The following PTPRT variants were observed in gnomAD, a reference collection of about 807,000 sequenced individuals.
PTPRT encodes protein tyrosine phosphatase receptor type T.
In PTPRT, 56 loss-of-function variants were observed where a neutral mutation model predicts 176.8. The ratio of observed to expected loss-of-function variants is 0.32; its 90% CI spans 0.26 to 0.40. The LOEUF (loss-of-function observed/expected upper bound fraction) is 0.40, where lower values mean the gene tolerates loss of function less well. PTPRT is among the 10% of genes least tolerant of loss of function. PTPRT has a pLI of 1.00. For synonymous variants in PTPRT, 783 were observed against 739.0 expected, an observed-to-expected ratio of 1.06 and a Z score of -0.96; for missense variants, 1,540 against 1,908.2, an observed-to-expected ratio of 0.81 and a Z score of 3.60.
chr20:42,622,688 C>T (rs986135310), intron 7 of PTPRT, among the ~76,000 whole-genome samples: 4 of 151,970 alleles, frequency 2.6e-5, no homozygotes, highest in Non-Finnish European at 4.4e-5. Context: ...CAATAGATGT[C>T]GAAATAAAAA....
chr20:42,474,386 C>G (rs1309042829), intron 7 of PTPRT, among the ~76,000 whole-genome samples: 1 of 152,208 alleles, frequency 6.6e-6, no homozygotes, highest in East Asian at 1.9e-4. Context: ...ACATAGTTCA[C>G]AGGAATGTCA....
In PTPRT at chr20:42,903,888, C is replaced by T. The variant is rs1397143478; in HGVS notation, c.89-17956G>A. ...CCCAGTTAAATCAGCAAGCCTTCTG[C>T]TCTTCCTCTCTAATGTTGACACTTT... On this transcript the variant is annotated intron_variant, in intron 1 of 30. Coordinates refer to ENST00000373187, the MANE Select transcript of PTPRT (RefSeq NM_007050.6). Among the ~76,000 whole-genome samples, 8 of 152,348 alleles carry T rather than the reference C, an allele frequency of 5.3e-5. No individual in the cohort carries two copies. The East Asian group carries it at 1.5e-3, about 29-fold the overall frequency.
At chr20:43,144,647 G>A (rs898568305) in intron 1 of PTPRT, among the ~76,000 whole-genome samples, 2 of 152,174 alleles carry the variant, frequency 1.3e-5, no homozygotes, top group African/African-American at 4.8e-5. Context: ...GGAGGTTAAC[G>A]GTTGCCTGGG....
intron 9 of PTPRT, among the ~76,000 whole-genome samples, chr20:42,359,517 T>G (rs1388282812): frequency 3.9e-5 from 6 of 152,140 alleles, no homozygotes; most frequent in Admixed American, 3.3e-4. Flanking sequence ...CTGTTAACAT[T>G]CATGAAGGCA....
intron 15 of PTPRT, among the ~76,000 whole-genome samples, chr20:42,229,456 T>A (rs1319992518): frequency 6.6e-6 from 1 of 152,268 alleles, no homozygotes; most frequent in African/African-American, 2.4e-5. Flanking sequence ...TCTTCATTTT[T>A]ATTCAAAGTG....
chr20:42,540,027 G>A (rs2072550143), intron 7 of PTPRT, among the ~76,000 whole-genome samples: 1 of 152,158 alleles, frequency 6.6e-6, no homozygotes, highest in African/African-American at 2.4e-5. Context: ...TGAAGAATGA[G>A]TATTTCCAGA....
chr20:43,007,190 G>C (rs558892896), intron 1 of PTPRT, among the ~76,000 whole-genome samples: 1 of 152,314 alleles, frequency 6.6e-6, no homozygotes, highest in Admixed American at 6.5e-5. Context: ...CAGAGCAAAA[G>C]TGAAAGCTGT....
intron 16 of PTPRT, among the ~76,000 whole-genome samples, chr20:42,166,978 C>T (rs1989853975): frequency 6.6e-6 from 1 of 151,870 alleles, no homozygotes; most frequent in African/African-American, 2.4e-5. Context: ...CAATCTGCAC[C>T]CTGAGAAATG....
At chr20:42,573,249 C>G (rs2073190396) in intron 7 of PTPRT, among the ~76,000 whole-genome samples, 1 of 152,162 alleles carries the variant, frequency 6.6e-6, no homozygotes, top group Non-Finnish European at 1.5e-5. Flanking sequence ...ATGCCCCTGG[C>G]TGCACAAGCC....
chr20:42,418,699 C>T (rs1330162571), intron 9 of PTPRT, among the ~76,000 whole-genome samples: 3 of 152,116 alleles, frequency 2.0e-5, no homozygotes, highest in East Asian at 3.9e-4. Context: ...GTATGTACTG[C>T]CGCTCAGATC....
At chr20:42,770,081 A>C (rs2077040960) in intron 5 of PTPRT, among the ~76,000 whole-genome samples, 1 of 152,216 alleles carries the variant, frequency 6.6e-6, no homozygotes, top group South Asian at 2.1e-4. Context: ...ATCAAATTAT[A>C]TACTTTAAAC....
intron 7 of PTPRT, among the ~76,000 whole-genome samples, chr20:42,554,156 T>G (rs896436675): frequency 6.6e-6 from 1 of 152,134 alleles, no homozygotes; most frequent in Non-Finnish European, 1.5e-5. Context: ...TGAATTTTGT[T>G]TCTTCAACTG....
intron 16 of PTPRT, among the ~76,000 whole-genome samples, chr20:42,196,550 AGAAC>A (rs980168432): frequency 2.6e-5 from 4 of 152,218 alleles, no homozygotes; most frequent in Non-Finnish European, 4.4e-5. Context: ...ACAGTACAAT[AGAAC>A]ATTAGAACTT....
chr20:43,059,044 C>T (rs1347469168), intron 1 of PTPRT, among the ~76,000 whole-genome samples: 1 of 152,190 alleles, frequency 6.6e-6, no homozygotes, highest in Non-Finnish European at 1.5e-5. Flanking sequence ...TCCTTTGAAA[C>T]CAGTCTGCAC....
intron 1 of PTPRT, among the ~76,000 whole-genome samples, chr20:43,183,499 G>T (rs1308303978): frequency 1.3e-5 from 2 of 152,144 alleles, no homozygotes; most frequent in East Asian, 3.8e-4. Context: ...CTTCACAAAG[G>T]CCCGTGGTCA....
At chr20:42,558,014 A>G (rs1203534646) in intron 7 of PTPRT, among the ~76,000 whole-genome samples, 1 of 152,208 alleles carries the variant, frequency 6.6e-6, no homozygotes, top group Non-Finnish European at 1.5e-5. Flanking sequence ...TCAGGGGTAT[A>G]AGTACAGGTT....
intron 6 of PTPRT, among the ~76,000 whole-genome samples, chr20:42,684,993 G>A (rs561231410): frequency 2.4e-4 from 37 of 152,152 alleles, no homozygotes; most frequent in African/African-American, 8.9e-4. Context: ...CAACTTTATG[G>A]GTGGGTAGAT....
At chr20:43,087,389 C>T (rs5841492) in intron 1 of PTPRT, among the ~76,000 whole-genome samples, 968 of 17,790 alleles carry the variant, frequency 0.054, 148 homozygotes, top group East Asian at 0.22. Context: ...TTTTTTTTTT[C>T]TCCGAAACAG....
intron 9 of PTPRT, among the ~76,000 whole-genome samples, chr20:42,404,900 G>A (rs374574122): frequency 1.9e-4 from 29 of 148,852 alleles, no homozygotes; most frequent in African/African-American, 7.2e-4. Context: ...ATTTTTTCCA[G>A]TAGTGAGATT....
Sources: gnomAD v4.1 joint callset for allele counts (sites outside exome capture counted in the v4.1 genomes callset) on GRCh38, gnomAD v4.1.1 for gene constraint, MANE v1.5 for transcripts, NCBI Gene and HGNC (gene_info 2026-07-23, HGNC 2026-07-21) for gene names.